CNTN2: variants seen among roughly 807,000 people sequenced by gnomAD.
The protein encoded by CNTN2 is contactin 2, also known as contactin-2.
In CNTN2, 53 loss-of-function variants were observed where a neutral mutation model predicts 117.5. That is an observed-to-expected ratio of 0.45 (90% CI 0.36 to 0.57). The LOEUF is 0.57. CNTN2 is among the 20% of genes least tolerant of loss of function. The pLI is 0.00. For synonymous variants in CNTN2, 530 were observed against 561.7 expected (o/e 0.94, Z 0.80); for missense variants, 1,106 against 1,404.3 (o/e 0.79, Z 3.39).
At chr1:205,046,298 C>A (rs2096441474) in intron 1 of CNTN2, among the ~76,000 whole-genome samples, 1 of 152,250 alleles carries the variant, frequency 6.6e-6, no homozygotes, top group African/African-American at 2.4e-5. Context: ...GGCCCAAACG[C>A]ATCTCAGTGT....
rs1261836743 is a variant in CNTN2 at position 205,067,081 on chromosome 1, G to T, written c.1976-20G>T. 6.3e-7 allele frequency: 1 copy of T among 1,591,246 alleles called. No homozygotes were observed. Among genetic ancestry groups the T allele is most frequent in the Non-Finnish European group, 8.6e-7 (1 of 1,168,202 alleles). On this transcript the variant is annotated intron_variant, in intron 15 of 22. Coordinates refer to ENST00000331830, the MANE Select transcript of CNTN2 (RefSeq NM_005076.5). ...ATGAATAAGCGAATGCTGGAATATG[G>T]ACTCCCTGGTGCCTTGCAGATCCTG...
At chr1:205,056,393 C>T (rs963150740) in intron 2 of CNTN2, among the ~76,000 whole-genome samples, 4 of 152,208 alleles carry the variant, frequency 2.6e-5, no homozygotes, top group African/African-American at 9.7e-5. Flanking sequence ...CACCGCCCGC[C>T]GCCTCCGCCT....
At chr1:205,047,643 G>A (rs1403316753) in intron 1 of CNTN2, among the ~76,000 whole-genome samples, 1 of 152,126 alleles carries the variant, frequency 6.6e-6, no homozygotes, top group Non-Finnish European at 1.5e-5. Context: ...CACCTTTGAG[G>A]CGTAAGAGGA....
At position 205,061,190 on chromosome 1, in the gene CNTN2, C is replaced by G. The variant is rs527560159; in HGVS notation, c.798-55C>G. The G allele has an allele frequency of 1.5e-5, 23 of 1,540,256 alleles. No homozygotes were observed. In the South Asian group the frequency reaches 2.6e-4, roughly 17 times the overall value. ...GTCTGGGTATGAGGAGCTGCGGGCA[C>G]TGGAGGGGTAGGCCCAGCTCAGCCC... On this transcript the variant is annotated intron_variant, in intron 7 of 22. Transcript: ENST00000331830. The surrounding 1 kb of genome is among the most constrained non-coding windows in gnomAD (Gnocchi z 4.8).
chr1:205,044,443 G>T (rs1460852672), intron 1 of CNTN2, among the ~76,000 whole-genome samples: 2 of 147,124 alleles, frequency 1.4e-5, no homozygotes, highest in East Asian at 2.0e-4. Flanking sequence ...ACCCCTGGGG[G>T]TTGAGCCTGT....
intron 1 of CNTN2, among the ~76,000 whole-genome samples, chr1:205,049,540 T>C (rs563506718): frequency 6.6e-6 from 1 of 152,236 alleles, no homozygotes; most frequent in South Asian, 2.1e-4. Flanking sequence ...AGCTAGGGAC[T>C]CCGGGTAGGA....
intron 15 of CNTN2, 125 bp downstream of exon 15, chr1:205,066,724 CA>C: frequency 8.9e-7 from 1 of 1,122,652 alleles, no homozygotes; most frequent in Non-Finnish European, 1.3e-6. Context: ...CAAAGAGGGA[CA>C]AGATCTGTCC....
In CNTN2 at chr1:205,048,910, CGTGTGTGTGTGTGT is replaced by C. The variant is rs4017875; in HGVS notation, c.-86-4153_-86-4140del. Among the ~76,000 whole-genome samples the C allele has an allele frequency of 2.4e-3, 313 of 127,876 alleles. 5 individuals are homozygous for C. Among genetic ancestry groups the C allele is most frequent in the South Asian group, 0.013 (46 of 3,570 alleles). The allele number at this position is 127,876 out of a possible 152,430, so 83.9% of individuals were successfully genotyped here. A position where few individuals can be genotyped will look rare whatever the true frequency, so the allele number is the denominator to read the frequency against. On this transcript the variant is annotated intron_variant, in intron 1 of 22. Transcript: ENST00000331830. The surrounding 1 kb of genome is among the most constrained non-coding windows in gnomAD (Gnocchi z 4.1). Reference sequence around the variant, plus strand: ...GCTCCAGCCTTTAGCCCAGACTCTGCGTGTGTGTGTGTGTGTGTGTGTGTGTGTGTGTGTGTGTG... The same window carrying C: ...GCTCCAGCCTTTAGCCCAGACTCTGCGTGTGTGTGTGTGTGTGTGTGTGTG...
chr1:205,070,746 C>T (rs1041059071), intron 19 of CNTN2: 3 of 413,172 alleles, frequency 7.3e-6, no homozygotes, highest in Non-Finnish European at 1.3e-5. Context: ...CCTGTAATCC[C>T]ATCACTTTGG....
intron 19 of CNTN2, among the ~76,000 whole-genome samples, chr1:205,071,515 C>T (rs1281655813): frequency 6.6e-6 from 1 of 152,216 alleles, no homozygotes; most frequent in Non-Finnish European, 1.5e-5. Context: ...AGCAGGTCTT[C>T]ATGCTATGAT....
At position 205,072,142 on chromosome 1, in the gene CNTN2, G is replaced by A; in HGVS notation, c.2731+9G>A. 6.2e-7 allele frequency: 1 copy of A among 1,601,688 alleles called. No individual in the cohort carries two copies. The highest frequency in any genetic ancestry group is 8.5e-7 in the Non-Finnish European group (1 of 1,175,734). On this transcript the variant is annotated intron_variant, in intron 20 of 22. Coordinates refer to ENST00000331830, the MANE Select transcript of CNTN2 (RefSeq NM_005076.5). ...CACGACCATGAAGCCCCGTGAGTCT[G>A]TCTGCCTGGGGTGGGGGTAGGGCAA...
intron 1 of CNTN2, among the ~76,000 whole-genome samples, chr1:205,049,131 C>T (rs927319976): frequency 1.3e-5 from 2 of 151,888 alleles, no homozygotes; most frequent in African/African-American, 4.8e-5. Context: ...GATCCCTGGG[C>T]CGGATTATTC....
At chr1:205,051,085 C>T (rs1413018695) in intron 1 of CNTN2, among the ~76,000 whole-genome samples, 1 of 152,242 alleles carries the variant, frequency 6.6e-6, no homozygotes, top group Non-Finnish European at 1.5e-5. Flanking sequence ...TGTGTGCCCA[C>T]GCATGTGTTC....
At position 205,059,512 on chromosome 1, in the gene CNTN2, T is replaced by G; in HGVS notation, c.698-71T>G. 3 of 1,435,484 alleles carry G rather than the reference T, an allele frequency of 2.1e-6. No individual in the cohort carries two copies. Among genetic ancestry groups the G allele is most frequent in the Non-Finnish European group, 2.9e-6 (3 of 1,018,538 alleles). 88.9% of individuals were successfully genotyped at this position (1,435,484 alleles called of 1,614,324 possible). A position where few individuals can be genotyped will look rare whatever the true frequency, so the allele number is the denominator to read the frequency against. ...AGACAGAGTTGGCTCTGAAAGGTGC[T>G]GAGATCCCATGCACGGGAGCACCTG... On this transcript the variant is annotated intron_variant, in intron 6 of 22. Coordinates refer to ENST00000331830, the MANE Select transcript of CNTN2 (RefSeq NM_005076.5). The surrounding 1 kb of genome is among the most constrained non-coding windows in gnomAD (Gnocchi z 5.6).
At position 205,058,294 on chromosome 1, in the gene CNTN2, A is replaced by C; in HGVS notation, c.329A>C (p.Gln110Pro). 6.5e-7 allele frequency: 1 copy of C among 1,530,796 alleles called. No individual in the cohort carries two copies. The highest frequency in any genetic ancestry group is 8.8e-7 in the Non-Finnish European group (1 of 1,138,386). 94.8% of individuals were successfully genotyped at this position (1,530,796 alleles called of 1,614,324 possible). A position where few individuals can be genotyped will look rare whatever the true frequency, so the allele number is the denominator to read the frequency against. ...AAGGCACAGGATGCCGGGGTCTACC[A>C]GTGCCTGGCCTCCAACCCAGTGGGC... ...PTKAQDAGVY[Q>P]CLASNPVGTV... Residue 110 changes from glutamine to proline, a missense_variant, in exon 4 of 23, where the codon CAG (glutamine) becomes CCG (proline). Physicochemically the swap from Gln to Pro is moderately conservative, Grantham distance 76 (BLOSUM62 -1). Transcript: ENST00000331830. The surrounding 1 kb of genome is among the most constrained non-coding windows in gnomAD (Gnocchi z 4.3).
chr1:205,051,766 T>C (rs1054288463), intron 1 of CNTN2, among the ~76,000 whole-genome samples: 1 of 151,436 alleles, frequency 6.6e-6, no homozygotes, highest in African/African-American at 2.4e-5. Flanking sequence ...GGTTGTGGAG[T>C]GGTCAAATGT....
chr1:205,064,682 G>A lies in CNTN2; in HGVS notation c.1451G>A (p.Gly484Asp). Residue 484 changes from glycine (G) to aspartate (D), a missense_variant, in exon 12 of 23, where the codon GGC becomes GAC. Transcript: ENST00000331830. ...IIRNISRSDE[G>D]KYTCFAENFM... ...AGAAACATCAGCCGGTCAGATGAAG[G>A]CAAATACACCTGCTTTGCTGAGAAC... 1 of 1,614,158 alleles carries A rather than the reference G, an allele frequency of 6.2e-7. No homozygotes were observed. Among genetic ancestry groups the A allele is most frequent in the Non-Finnish European group, 8.5e-7 (1 of 1,180,010 alleles).
chr1:205,051,353 C>G (rs1484953970), intron 1 of CNTN2, among the ~76,000 whole-genome samples: 1 of 152,190 alleles, frequency 6.6e-6, no homozygotes, highest in Non-Finnish European at 1.5e-5. Flanking sequence ...CCCTTCCCGG[C>G]AGGGATGAGA....
chr1:205,061,059 C>T lies in CNTN2; in HGVS notation c.798-186C>T, dbSNP rs1653951878. 3.2e-6 allele frequency: 2 copies of T among 621,768 alleles called. No homozygotes were observed. Among genetic ancestry groups the T allele is most frequent in the East Asian group, 2.9e-5 (1 of 34,066 alleles). The allele number at this position is 621,768 out of a possible 1,614,324, so 38.5% of individuals were successfully genotyped here. A position where few individuals can be genotyped will look rare whatever the true frequency, so the allele number is the denominator to read the frequency against. On this transcript the variant is annotated intron_variant, in intron 7 of 22. Transcript: ENST00000331830. This position sits in a 1 kb window ranked among gnomAD's most constrained non-coding sequence, Gnocchi z 4.8. ...AGCAGCCCTGCCTCTTGCCCCTTCC[C>T]TGCGTGTGCTCCGAGCCTACCTGGG...
Sources: gnomAD v4.1 joint callset for allele counts (sites outside exome capture counted in the v4.1 genomes callset) on GRCh38, gnomAD v4.1.1 for gene constraint, Gnocchi (gnomAD v3.1) non-coding constraint, MANE v1.5 for transcripts, NCBI Gene and HGNC (gene_info 2026-07-23, HGNC 2026-07-21) for gene names.